Variants in MEF2C observed in about 807,000 individuals in gnomAD.
MEF2C encodes myocyte enhancer factor 2C, also known as myocyte-specific enhancer factor 2C.
A neutral mutation model predicts 50.5 loss-of-function variants in MEF2C; 6 were observed. The ratio of observed to expected loss-of-function variants is 0.12; its 90% CI spans 0.07 to 0.23. The LOEUF (loss-of-function observed/expected upper bound fraction) is 0.23. Ranked by LOEUF, MEF2C falls within the 10% of genes least tolerant of loss-of-function variation. MEF2C has a pLI of 1.00. For synonymous variants in MEF2C, 183 were observed against 228.0 expected (o/e 0.80, Z 1.78); for missense variants, 276 against 605.0 (o/e 0.46, Z 5.70).
intron 6 of MEF2C, chr5:88,743,742 C>G: frequency 1.0e-6 from 1 of 985,420 alleles, no homozygotes; most frequent in Non-Finnish European, 1.2e-6. Context: ...CGGCAGTACA[C>G]TGCCACCATC....
chr5:88,772,808 T>C (rs1782978797), intron 3 of MEF2C: 2 of 985,332 alleles, frequency 2.0e-6, no homozygotes, highest in South Asian at 4.7e-5. Context: ...GGTTATTCTA[T>C]AGTGATCTGA....
At chr5:88,770,414 G>C (rs1041886884) in intron 3 of MEF2C, among the ~76,000 whole-genome samples, 9 of 152,238 alleles carry the variant, frequency 5.9e-5, no homozygotes, top group Admixed American at 2.6e-4. Context: ...TTGAGTCTAT[G>C]CGTGATTAGT....
At chr5:88,837,732 A>C (rs893407265) in intron 1 of MEF2C, among the ~76,000 whole-genome samples, 4 of 152,266 alleles carry the variant, frequency 2.6e-5, no homozygotes, top group African/African-American at 9.6e-5. Flanking sequence ...GGATAAATAG[A>C]ATTGTTTTCT....
chr5:88,895,012 A>G (rs1834969917), intron 1 of MEF2C, among the ~76,000 whole-genome samples: 1 of 152,186 alleles, frequency 6.6e-6, no homozygotes, highest in African/African-American at 2.4e-5. Flanking sequence ...TTTTGCCGAG[A>G]GAAGCACATG....
intron 1 of MEF2C, among the ~76,000 whole-genome samples, chr5:88,892,628 CT>C (rs753936508): frequency 2.0e-5 from 3 of 152,168 alleles, no homozygotes; most frequent in Non-Finnish European, 4.4e-5. Flanking sequence ...TACAGGTTGC[CT>C]TATTTCCCTT....
At chr5:88,881,321 C>T (rs934154382) in intron 1 of MEF2C, 14 of 152,066 alleles carry the variant, frequency 9.2e-5, no homozygotes, top group Non-Finnish European at 1.6e-4. Context: ...CTCATTTTAC[C>T]TATCAAGTTC....
At chr5:88,869,255 A>G (rs1360817427) in intron 1 of MEF2C, among the ~76,000 whole-genome samples, 1 of 48,806 alleles carries the variant, frequency 2.0e-5, no homozygotes, top group African/African-American at 1.9e-4. Context: ...TAGTTTTCAT[A>G]TATATATATA....
intron 2 of MEF2C, among the ~76,000 whole-genome samples, chr5:88,818,502 G>A (rs1269860941): frequency 6.6e-5 from 10 of 151,896 alleles, no homozygotes; most frequent in Admixed American, 6.6e-4. Context: ...GCATAAGCTA[G>A]AAGCTGGTAG....
chr5:88,876,193 T>A (rs563642443), intron 1 of MEF2C, among the ~76,000 whole-genome samples: 1 of 150,686 alleles, frequency 6.6e-6, no homozygotes, highest in Non-Finnish European at 1.5e-5. Context: ...CTTAGACACA[T>A]ACGTTCTGTT....
chr5:88,761,460 C>T (rs1777810434), intron 3 of MEF2C, 132 bp from the exon 4 acceptor site: 2 of 1,099,248 alleles, frequency 1.8e-6, no homozygotes, highest in Non-Finnish European at 2.5e-6. Flanking sequence ...GAAGAGAAAC[C>T]ACAGATGAAA....
chr5:88,848,200 C>T (rs1365004673), intron 1 of MEF2C, among the ~76,000 whole-genome samples: 1 of 152,056 alleles, frequency 6.6e-6, no homozygotes, highest in Admixed American at 6.5e-5. Context: ...AGGTAAAGAG[C>T]AGAAAGACAT....
rs1755417788 is a variant in MEF2C at position 88,719,046 on chromosome 5, T to C, written c.*3558A>G. 1 of 152,100 alleles carries C rather than the reference T, an allele frequency of 6.6e-6. No individual in the cohort carries two copies. Among genetic ancestry groups the C allele is most frequent in the South Asian group, 2.1e-4 (1 of 4,836 alleles). The allele number at this position is 152,100 out of a possible 1,614,324, so 9.4% of individuals were successfully genotyped here. ...TCTTCTTCTTTAAAAAAAATGTTTT[T>C]TAAAGAAAGAACTACAAAGCGTTTA... is the stretch of plus-strand genomic sequence containing the variant. On this transcript the variant is annotated 3_prime_UTR_variant, in exon 11 of 11. Coordinates refer to ENST00000504921, the MANE Select transcript of MEF2C (RefSeq NM_002397.5).
At chr5:88,769,228 C>G (rs1182558305) in intron 3 of MEF2C, among the ~76,000 whole-genome samples, 1 of 152,180 alleles carries the variant, frequency 6.6e-6, no homozygotes, top group Non-Finnish European at 1.5e-5. Context: ...AATTCTTGGG[C>G]AAAGTTCATC....
intron 1 of MEF2C, among the ~76,000 whole-genome samples, chr5:88,830,388 C>T (rs1013457773): frequency 4.6e-5 from 7 of 151,988 alleles, no homozygotes; most frequent in Admixed American, 6.6e-5. Flanking sequence ...ATAAGTGGGC[C>T]TAACCTGCCA....
chr5:88,744,711 G>A (rs1299946694), intron 6 of MEF2C, among the ~76,000 whole-genome samples: 2 of 152,162 alleles, frequency 1.3e-5, no homozygotes, highest in Non-Finnish European at 2.9e-5. Context: ...ATAATGACTT[G>A]CTGTATATTT....
rs747810670 is a variant in MEF2C, at chr5:88,726,194, G to T, written c.1100+2299C>A. On this transcript the variant is annotated intron_variant, in intron 10 of 10. Coordinates refer to ENST00000504921, the MANE Select transcript of MEF2C (RefSeq NM_002397.5). ...GAAAGAATTGTGGTAACCATCTTGG[G>T]CTGCTGGGAATATCTACTTTGGTGG... Among the ~76,000 whole-genome samples the T allele has an allele frequency of 2.9e-4, 44 of 152,116 alleles. 1 individual carries two copies. Among genetic ancestry groups the T allele is most frequent in the Non-Finnish European group, 1.8e-4 (12 of 67,990 alleles).
chr5:88,746,102 C>T (rs998809809), intron 6 of MEF2C, among the ~76,000 whole-genome samples: 1 of 152,106 alleles, frequency 6.6e-6, no homozygotes, highest in African/African-American at 2.4e-5. Flanking sequence ...ATAAGATATT[C>T]ACTGTTAATT....
intron 6 of MEF2C, chr5:88,734,279 A>T (rs1762932766): frequency 1.0e-6 from 1 of 985,386 alleles, no homozygotes; most frequent in African/African-American, 1.7e-5. Context: ...CTTATCTATT[A>T]AGCCTGTGTG....
intron 3 of MEF2C, among the ~76,000 whole-genome samples, chr5:88,802,876 A>G (rs1798931974): frequency 6.6e-6 from 1 of 152,230 alleles, no homozygotes; most frequent in African/African-American, 2.4e-5. Context: ...ATATTTTCCA[A>G]TTGGCTCATT....
Sources: gnomAD v4.1 joint callset for allele counts (sites outside exome capture counted in the v4.1 genomes callset) on GRCh38, gnomAD v4.1.1 for gene constraint, MANE v1.5 for transcripts, NCBI Gene and HGNC (gene_info 2026-07-23, HGNC 2026-07-21) for gene names.